The following ASCC3 variants were observed in gnomAD, a reference collection of about 807,000 sequenced individuals.
The protein encoded by ASCC3 is activating signal cointegrator 1 complex subunit 3.
In ASCC3, 158 loss-of-function variants were observed where a neutral mutation model predicts 256.3. The observed-to-expected ratio is 0.62, with a 90% CI of 0.54 to 0.70. ASCC3 has a LOEUF of 0.70. Ranked by LOEUF, ASCC3 falls within the 30% of genes least tolerant of loss-of-function variation. ASCC3 has a pLI of 0.00. For missense variants in ASCC3, 2,259 were observed against 2,626.0 expected, an observed-to-expected ratio of 0.86 and a Z score of 3.05; for synonymous variants, 948 against 883.4, an observed-to-expected ratio of 1.07 and a Z score of -1.30.
At chr6:100,842,572 TATA>T (rs1360720593) in intron 4 of ASCC3, among the ~76,000 whole-genome samples, 3 of 152,212 alleles carry the variant, frequency 2.0e-5, no homozygotes, top group Admixed American at 2.0e-4. Flanking sequence ...AAAAATATGA[TATA>T]ATGCCACTCT....
At chr6:100,701,239 C>T (rs1778338490) in intron 13 of ASCC3, among the ~76,000 whole-genome samples, 1 of 152,218 alleles carries the variant, frequency 6.6e-6, no homozygotes, top group African/African-American at 2.4e-5. Context: ...AAACAACTAA[C>T]TTTACTTACT....
At chr6:100,751,743 G>A (rs1366999523) in intron 10 of ASCC3, among the ~76,000 whole-genome samples, 2 of 150,970 alleles carry the variant, frequency 1.3e-5, no homozygotes, top group Non-Finnish European at 3.0e-5. Flanking sequence ...TCATTTATAT[G>A]GTCACACACT....
At chr6:100,686,317 T>A (rs1053785405) in intron 13 of ASCC3, among the ~76,000 whole-genome samples, 2 of 152,198 alleles carry the variant, frequency 1.3e-5, no homozygotes, top group African/African-American at 4.8e-5. Flanking sequence ...TATATTTACA[T>A]AGTTCAAAAT....
At chr6:100,798,954 A>G (rs1300311470) in intron 7 of ASCC3, 116 bp from the exon 8 acceptor site, 1 of 959,002 alleles carries the variant, frequency 1.0e-6, no homozygotes, top group African/African-American at 1.7e-5. Flanking sequence ...AGCACTGGTA[A>G]ATAAACTTAG....
chr6:100,572,477 T>C (rs1212254677), intron 36 of ASCC3, among the ~76,000 whole-genome samples: 1 of 151,998 alleles, frequency 6.6e-6, no homozygotes, highest in Non-Finnish European at 1.5e-5. Context: ...ATAGCTAAGG[T>C]ATGAGGACTA....
chr6:100,682,022 TC>T (rs1357907757), intron 13 of ASCC3, among the ~76,000 whole-genome samples: 3 of 152,162 alleles, frequency 2.0e-5, no homozygotes, highest in Non-Finnish European at 2.9e-5. Context: ...TGAAGATTCA[TC>T]AGTTCAGAAT....
chr6:100,674,877 C>T (rs1776932343), intron 14 of ASCC3, among the ~76,000 whole-genome samples: 1 of 152,028 alleles, frequency 6.6e-6, no homozygotes, highest in Admixed American at 6.6e-5. Flanking sequence ...GGTGACCTGC[C>T]TGCCTCGGCC....
chr6:100,722,774 A>G (rs1462428603), intron 11 of ASCC3, among the ~76,000 whole-genome samples: 1 of 151,856 alleles, frequency 6.6e-6, no homozygotes, highest in Non-Finnish European at 1.5e-5. Flanking sequence ...CAGTTCACAT[A>G]AATAAATGTG....
intron 36 of ASCC3, among the ~76,000 whole-genome samples, chr6:100,582,566 A>G (rs1425634670): frequency 1.3e-5 from 2 of 152,130 alleles, no homozygotes; most frequent in East Asian, 3.9e-4. Context: ...TTCCTAACTG[A>G]ATACCCTTTA....
chr6:100,681,532 T>C (rs1219969748), intron 13 of ASCC3, among the ~76,000 whole-genome samples: 1 of 151,646 alleles, frequency 6.6e-6, no homozygotes, highest in East Asian at 1.9e-4. Flanking sequence ...ATTGAGACCA[T>C]CCTGGCCAAC....
At chr6:100,577,521 G>A (rs1211640630) in intron 36 of ASCC3, among the ~76,000 whole-genome samples, 2 of 152,052 alleles carry the variant, frequency 1.3e-5, no homozygotes, top group African/African-American at 4.8e-5. Context: ...TATATAGCAA[G>A]TCTTCTCCAT....
At chr6:100,616,100 G>C (rs1213253495) in intron 30 of ASCC3, among the ~76,000 whole-genome samples, 2 of 152,092 alleles carry the variant, frequency 1.3e-5, no homozygotes, top group Non-Finnish European at 2.9e-5. Context: ...TTACCTACAA[G>C]AAGAGGCCAA....
intron 14 of ASCC3, among the ~76,000 whole-genome samples, chr6:100,678,564 T>C (rs1486478713): frequency 1.3e-5 from 2 of 152,042 alleles, no homozygotes; most frequent in East Asian, 3.8e-4. Context: ...TATATTTTAC[T>C]AGGATAATAA....
Position 100,627,669 on chromosome 6 carries a change from T to C in ASCC3, c.4563A>G (p.Pro1521=). The change falls in exon 29 of 42, where the codon CCA becomes CCG. Residue 1521 remains proline (P), a synonymous_variant. Transcript: ENST00000369162. ...GAAAGCCTTGAATGTGAACTTCCAGTGGAACTGGGCGTACTGATGGTCGGA... is the reference window on the plus strand; with the variant it reads ...GAAAGCCTTGAATGTGAACTTCCAGCGGAACTGGGCGTACTGATGGTCGGA... ...FNFRPSVRPV[P]LEVHIQGFPG... is the part of the protein sequence containing the mutation. The C allele has an allele frequency of 1.2e-6, 2 of 1,613,618 alleles. No individual in the cohort carries two copies. The highest frequency in any genetic ancestry group is 1.1e-5 in the South Asian group (1 of 91,058).
intron 8 of ASCC3, among the ~76,000 whole-genome samples, chr6:100,789,123 G>A (rs1769227527): frequency 6.6e-6 from 1 of 151,344 alleles, no homozygotes; most frequent in African/African-American, 2.4e-5. Context: ...AAGGAAGGGA[G>A]GACAGGAGGG....
At chr6:100,835,907 ATCT>A (rs1169481659) in intron 4 of ASCC3, among the ~76,000 whole-genome samples, 1 of 152,118 alleles carries the variant, frequency 6.6e-6, no homozygotes, top group Non-Finnish European at 1.5e-5. Context: ...ATTTATCTGC[ATCT>A]TCTTCAATTT....
chr6:100,767,046 A>G, intron 9 of ASCC3, 99 bp downstream of exon 9: 2 of 1,210,358 alleles, frequency 1.7e-6, no homozygotes, highest in African/African-American at 1.5e-5. Context: ...CTTCAAGTAC[A>G]ATATCTTTAA....
chr6:100,665,441 C>A (rs972783241), intron 14 of ASCC3, among the ~76,000 whole-genome samples: 2 of 151,918 alleles, frequency 1.3e-5, no homozygotes, highest in African/African-American at 4.8e-5. Context: ...GAACTGGAAT[C>A]TGGCCGGGCA....
chr6:100,729,092 T>C (rs1024475858), intron 10 of ASCC3, among the ~76,000 whole-genome samples: 1 of 152,242 alleles, frequency 6.6e-6, no homozygotes, highest in African/African-American at 2.4e-5. Flanking sequence ...AATACAACTA[T>C]GGATGTCTGA....
Sources: gnomAD v4.1 joint callset for allele counts (sites outside exome capture counted in the v4.1 genomes callset) on GRCh38, gnomAD v4.1.1 for gene constraint, MANE v1.5 for transcripts, NCBI Gene and HGNC (gene_info 2026-07-23, HGNC 2026-07-21) for gene names.